Variants in XPO6 observed in about 807,000 individuals in gnomAD.
The protein encoded by XPO6 is exportin-6.
In XPO6, 3 loss-of-function variants were observed where a neutral mutation model predicts 130.0. That is an observed-to-expected ratio of 0.02 (90% CI 0.01 to 0.06). The LOEUF is 0.06. Ranked by LOEUF, XPO6 falls within the 10% of genes least tolerant of loss-of-function variation. The probability of loss-of-function intolerance (pLI) is 1.00; values close to 1 mark genes in which losing one functional copy is unlikely to be tolerated. For synonymous variants in XPO6, 524 were observed against 548.9 expected (o/e 0.95, Z 0.63); for missense variants, 970 against 1,393.0 (o/e 0.70, Z 4.83).
intron 17 of XPO6, among the ~76,000 whole-genome samples, chr16:28,109,568 C>A (rs1171071041): frequency 3.3e-5 from 5 of 152,156 alleles, no homozygotes; most frequent in African/African-American, 1.2e-4. Context: ...CACCACTACA[C>A]CACAACCTAT....
chr16:28,167,306 A>G (rs1787021629), intron 5 of XPO6: 1 of 985,278 alleles, frequency 1.0e-6, no homozygotes, highest in African/African-American at 1.7e-5. Context: ...GTTCCCCACA[A>G]ACCTGCCACC....
chr16:28,126,740 A>C (rs1356065163), intron 12 of XPO6: 3 of 152,184 alleles, frequency 2.0e-5, no homozygotes, highest in African/African-American at 7.2e-5. Flanking sequence ...TCCACAAAAG[A>C]TAGTAAGAAT....
chr16:28,153,266 A>AT, intron 7 of XPO6: 3 of 988,158 alleles, frequency 3.0e-6, no homozygotes, highest in Non-Finnish European at 3.6e-6. Flanking sequence ...CTTAATGGCC[A>AT]TTTTTCCCCC....
At chr16:28,199,925 G>T (rs1245810464) in intron 1 of XPO6, among the ~76,000 whole-genome samples, 1 of 152,026 alleles carries the variant, frequency 6.6e-6, no homozygotes, top group Non-Finnish European at 1.5e-5. Context: ...GGGAGGCCAA[G>T]GCGGTGGATT....
At chr16:28,150,159 TTC>T (rs1413983160) in intron 8 of XPO6, among the ~76,000 whole-genome samples, 1 of 152,104 alleles carries the variant, frequency 6.6e-6, no homozygotes, top group Non-Finnish European at 1.5e-5. Flanking sequence ...CAGAATCTGA[TTC>T]TGTCTGGACG....
intron 6 of XPO6, among the ~76,000 whole-genome samples, chr16:28,162,119 C>T (rs2043287361): frequency 1.3e-5 from 2 of 152,124 alleles, no homozygotes; most frequent in African/African-American, 4.8e-5. Context: ...GAATGATCTG[C>T]GATTACTTTT....
intron 4 of XPO6, 34 bp downstream of exon 4, chr16:28,175,864 T>C (rs1166889673): frequency 6.3e-7 from 1 of 1,587,478 alleles, no homozygotes; most frequent in Non-Finnish European, 8.6e-7. Context: ...AACAAACTAT[T>C]CACAAGATAA....
At position 28,106,168 on chromosome 16, in the gene XPO6, G is replaced by A. The variant is rs368314934; in HGVS notation, c.2659C>T (p.Arg887Trp). 7.4e-6 allele frequency: 12 copies of A among 1,614,122 alleles called. No individual in the cohort carries two copies. Among genetic ancestry groups the A allele is most frequent in the South Asian group, 5.5e-5 (5 of 91,086 alleles). ...ATCTTCAGAAACTTCTCCACCACCCGGCAGCCTGTGCTGCCCTCGTGGAGG... is the reference window on the plus strand; with the variant it reads ...ATCTTCAGAAACTTCTCCACCACCCAGCAGCCTGTGCTGCCCTCGTGGAGG... ...SILHEGSTGCRVVEKFLKILQ... is the reference protein window; with the variant it reads ...SILHEGSTGCWVVEKFLKILQ... Residue 887 changes from arginine to tryptophan, a missense_variant, in exon 20 of 24, where the codon CGG becomes TGG. Transcript: ENST00000304658. This position sits in a 1 kb window ranked among gnomAD's most constrained non-coding sequence, Gnocchi z 4.2.
intron 1 of XPO6, among the ~76,000 whole-genome samples, chr16:28,191,798 C>T (rs181995654): frequency 2.0e-5 from 3 of 152,278 alleles, no homozygotes; most frequent in Admixed American, 6.5e-5. Flanking sequence ...ATGAAACTGA[C>T]GAACCACTAT....
Position 28,174,355 on chromosome 16 carries a change from G to A in XPO6, c.405+1543C>T, listed in dbSNP as rs143015541. ...AGCATCCCATCTAAACACAACCCCC[G>A]CTAGTTTCTTTCCCCTTCCCTGGAT... On this transcript the variant is annotated intron_variant, in intron 4 of 23. Transcript: ENST00000304658. Among the ~76,000 whole-genome samples the A allele has an allele frequency of 4.5e-3, 690 of 152,094 alleles. 6 individuals are homozygous for A. Among genetic ancestry groups the A allele is most frequent in the African/African-American group, 0.016 (668 of 41,502 alleles).
At chr16:28,133,134 G>A (rs558174242) in intron 11 of XPO6, among the ~76,000 whole-genome samples, 69 of 152,294 alleles carry the variant, frequency 4.5e-4, no homozygotes, top group African/African-American at 1.5e-3. Flanking sequence ...TCAGGAGATC[G>A]AGACCATCCT....
chr16:28,166,862 T>C lies in XPO6; in HGVS notation c.566-277A>G, dbSNP rs112961711. On this transcript the variant is annotated intron_variant, in intron 5 of 23. Coordinates refer to ENST00000304658, the MANE Select transcript of XPO6 (RefSeq NM_015171.4). Reference sequence around the variant, plus strand: ...TCACCTGGTTGCTGCATGCACTCACTGGTCACTTAATCCCCATCCTCCTTG... The same window carrying C: ...TCACCTGGTTGCTGCATGCACTCACCGGTCACTTAATCCCCATCCTCCTTG... 7.9e-4 allele frequency: 765 copies of C among 974,304 alleles called. 8 individuals are homozygous for C. The African/African-American group carries it at 0.013, about 16-fold the overall frequency. The allele number at this position is 974,304 out of a possible 1,614,324, so 60.4% of individuals were successfully genotyped here.
chr16:28,182,994 A>G (rs1268917352), intron 1 of XPO6, among the ~76,000 whole-genome samples: 1 of 152,244 alleles, frequency 6.6e-6, no homozygotes. Context: ...TGGAGCCAAA[A>G]TGTGTTCCTG....
chr16:28,137,103 T>C (rs1192901814), intron 9 of XPO6, among the ~76,000 whole-genome samples: 1 of 152,232 alleles, frequency 6.6e-6, no homozygotes, highest in African/African-American at 2.4e-5. Flanking sequence ...TCATTCCACA[T>C]TCCCAGAACT....
intron 8 of XPO6, among the ~76,000 whole-genome samples, chr16:28,147,218 G>A (rs1052330756): frequency 8.5e-5 from 13 of 152,188 alleles, no homozygotes; most frequent in East Asian, 1.9e-4. Flanking sequence ...CTAACAATGG[G>A]TGGTGGTATC....
At chr16:28,149,069 A>C (rs965897383) in intron 8 of XPO6, among the ~76,000 whole-genome samples, 3 of 150,610 alleles carry the variant, frequency 2.0e-5, no homozygotes, top group East Asian at 3.9e-4. Context: ...AAAAAAAAAA[A>C]AAAACAAAAG....
Position 28,169,871 on chromosome 16 carries a change from G to T in XPO6, c.444C>A (p.Ile148=). The change falls in exon 5 of 24, where the codon ATC becomes ATA. Residue 148 remains isoleucine (I), a synonymous_variant. Transcript: ENST00000304658. ...QSPVTTPLGL[I]MLKTTSEELA... ...GCTCTTCTGAAGTTGTCTTCAACAT[G>T]ATCAGCCCAAGGGGGGTTGTCACAG... 1 of 1,614,176 alleles carries T rather than the reference G, an allele frequency of 6.2e-7. No individual in the cohort carries two copies. The highest frequency in any genetic ancestry group is 8.5e-7 in the Non-Finnish European group (1 of 1,180,000).
chr16:28,160,503 CCAA>C (rs1214553859), intron 6 of XPO6, among the ~76,000 whole-genome samples: 1 of 116,684 alleles, frequency 8.6e-6, no homozygotes, highest in Non-Finnish European at 1.6e-5. Context: ...GACTCCATCA[CCAA>C]AAAAAAAAAA....
At chr16:28,150,904 G>A (rs1166198755) in intron 8 of XPO6, among the ~76,000 whole-genome samples, 1 of 151,968 alleles carries the variant, frequency 6.6e-6, no homozygotes, top group Admixed American at 6.6e-5. Flanking sequence ...AAGTTCTCCT[G>A]AGGACTATGA....
Sources: gnomAD v4.1 joint callset for allele counts (sites outside exome capture counted in the v4.1 genomes callset) on GRCh38, gnomAD v4.1.1 for gene constraint, Gnocchi (gnomAD v3.1) non-coding constraint, MANE v1.5 for transcripts, NCBI Gene and HGNC (gene_info 2026-07-23, HGNC 2026-07-21) for gene names.